CNTLN: variants seen among roughly 807,000 people sequenced by gnomAD.
The protein encoded by CNTLN is centlein, centrosomal protein.
CNTLN carries 212 observed loss-of-function variants against 180.0 expected under a neutral mutation model. That is an observed-to-expected ratio of 1.18 (90% CI 1.05 to 1.32). The LOEUF (loss-of-function observed/expected upper bound fraction) is 1.32, where lower values mean the gene tolerates loss of function less well. Ranked by LOEUF, CNTLN falls within the 40% of genes most tolerant of loss-of-function variation. The pLI, the probability that CNTLN is intolerant of heterozygous loss-of-function variation, is 0.00. For missense variants in CNTLN, 2,095 were observed against 1,610.9 expected (o/e 1.30, Z -5.14); for synonymous variants, 722 against 563.1 (o/e 1.28, Z -3.99).
chr9:17,478,317 C>T (rs1432611588), intron 23 of CNTLN, among the ~76,000 whole-genome samples: 1 of 152,136 alleles, frequency 6.6e-6, no homozygotes, highest in Non-Finnish European at 1.5e-5. Context: ...CTATTAACCT[C>T]TATCAGATAT....
chr9:17,276,294 G>A (rs1189246020), intron 6 of CNTLN, among the ~76,000 whole-genome samples: 5 of 152,090 alleles, frequency 3.3e-5, no homozygotes, highest in African/African-American at 7.2e-5. Flanking sequence ...GATTACTGTT[G>A]GATATACTGT....
At chr9:17,242,101 A>G (rs1825530104) in intron 5 of CNTLN, among the ~76,000 whole-genome samples, 1 of 152,092 alleles carries the variant, frequency 6.6e-6, no homozygotes, top group South Asian at 2.1e-4. Context: ...GTGAAAGTGG[A>G]TATTCTTGTC....
chr9:17,333,493 A>G lies in CNTLN; in HGVS notation c.1644+763A>G, dbSNP rs548063145. 5.3e-5 allele frequency among the ~76,000 whole-genome samples: 8 copies of G among 152,240 alleles called. No individual in the cohort carries two copies. The East Asian group carries it at 9.7e-4, about 18-fold the overall frequency. ...ATTCTGTAAATCTAGTGCTTTACACATGATTAGAATGCAGTACACATGAAG... is the reference window on the plus strand; with the variant it reads ...ATTCTGTAAATCTAGTGCTTTACACGTGATTAGAATGCAGTACACATGAAG... On this transcript the variant is annotated intron_variant, in intron 10 of 25. Coordinates refer to ENST00000380647, the MANE Select transcript of CNTLN (RefSeq NM_017738.4).
chr9:17,478,696 A>AT (rs976724335), intron 23 of CNTLN, among the ~76,000 whole-genome samples: 13 of 151,716 alleles, frequency 8.6e-5, no homozygotes, highest in Admixed American at 6.6e-4. Flanking sequence ...TCTAATTTCA[A>AT]TTTTTTTGCC....
intron 25 of CNTLN, among the ~76,000 whole-genome samples, chr9:17,488,980 TA>T (rs1833016574): frequency 1.3e-5 from 2 of 152,272 alleles, no homozygotes; most frequent in Admixed American, 1.3e-4. Flanking sequence ...TGATAACATT[TA>T]AAAAGTCAAA....
intron 2 of CNTLN, among the ~76,000 whole-genome samples, chr9:17,224,823 AT>A (rs774949094): frequency 4.0e-5 from 6 of 149,938 alleles, no homozygotes; most frequent in Non-Finnish European, 7.4e-5. Context: ...GGTTATTTTT[AT>A]TTTTTCTAGA....
intron 23 of CNTLN, among the ~76,000 whole-genome samples, chr9:17,477,815 T>C (rs1312603394): frequency 2.0e-5 from 3 of 152,202 alleles, no homozygotes; most frequent in Non-Finnish European, 2.9e-5. Flanking sequence ...TTTAGAATAT[T>C]CCATAAACTT....
At chr9:17,519,130 G>A in the CNTLN span, among the ~76,000 whole-genome samples, 1 of 136,684 alleles carries the variant, frequency 7.3e-6, no homozygotes, top group South Asian at 2.2e-4. Context: ...GCTTCATTAT[G>A]TTTCCCAGAC....
chr9:17,198,174 C>T, intron 2 of CNTLN, among the ~76,000 whole-genome samples: 1 of 152,170 alleles, frequency 6.6e-6, no homozygotes, highest in East Asian at 1.9e-4. Context: ...TATGATCCAT[C>T]CAGTTTAGTT....
At chr9:17,308,405 C>G (rs2132901784) in intron 7 of CNTLN, among the ~76,000 whole-genome samples, 1 of 152,192 alleles carries the variant, frequency 6.6e-6, no homozygotes, top group East Asian at 1.9e-4. Flanking sequence ...TACATTCTTT[C>G]TACAGCCTTA....
At chr9:17,462,460 A>G (rs1241494622) in intron 19 of CNTLN, among the ~76,000 whole-genome samples, 3 of 151,798 alleles carry the variant, frequency 2.0e-5, no homozygotes, top group Non-Finnish European at 4.4e-5. Context: ...TCGACAAAGC[A>G]AGTCACAAGC....
chr9:17,428,958 C>T (rs1829250873), intron 18 of CNTLN, among the ~76,000 whole-genome samples: 1 of 151,630 alleles, frequency 6.6e-6, no homozygotes, highest in African/African-American at 2.4e-5. Context: ...CAGCTCATTC[C>T]TTGAACGATT....
intron 8 of CNTLN, among the ~76,000 whole-genome samples, chr9:17,325,576 C>CAG (rs1164554456): frequency 1.1e-5 from 1 of 89,374 alleles, no homozygotes; most frequent in Non-Finnish European, 2.7e-5. Context: ...CACACACACA[C>CAG]GCACACACAC....
chr9:17,481,754 A>G (rs1303240613), intron 23 of CNTLN, among the ~76,000 whole-genome samples: 1 of 152,220 alleles, frequency 6.6e-6, no homozygotes, highest in Non-Finnish European at 1.5e-5. Context: ...GATCCTGCCC[A>G]ACAGGAAGCA....
At chr9:17,483,863 C>T (rs1029314751) in intron 23 of CNTLN, among the ~76,000 whole-genome samples, 1 of 152,178 alleles carries the variant, frequency 6.6e-6, no homozygotes, top group Non-Finnish European at 1.5e-5. Flanking sequence ...GTTCTTTCTG[C>T]AGTAATCTTT....
At chr9:17,271,305 T>C (rs1827930493) in intron 5 of CNTLN, among the ~76,000 whole-genome samples, 1 of 152,108 alleles carries the variant, frequency 6.6e-6, no homozygotes, top group East Asian at 1.9e-4. Flanking sequence ...TGCACCAGAT[T>C]TGCGGTTCAC....
intron 5 of CNTLN, among the ~76,000 whole-genome samples, chr9:17,256,187 T>G (rs1287798238): frequency 1.3e-5 from 2 of 152,048 alleles, no homozygotes; most frequent in Non-Finnish European, 1.5e-5. Flanking sequence ...ATTCCATGTC[T>G]TTGCTATTCT....
intron 13 of CNTLN, among the ~76,000 whole-genome samples, chr9:17,380,123 C>G (rs1825112256): frequency 6.6e-6 from 1 of 152,094 alleles, no homozygotes; most frequent in Non-Finnish European, 1.5e-5. Flanking sequence ...GTGCCAGCTC[C>G]CCATATTTTA....
intron 18 of CNTLN, among the ~76,000 whole-genome samples, chr9:17,442,441 C>A (rs1291622462): frequency 1.3e-5 from 2 of 152,174 alleles, no homozygotes; most frequent in African/African-American, 4.8e-5. Flanking sequence ...CTCTGTCACC[C>A]AGGCTGGAGT....
Sources: allele counts gnomAD v4.1 joint callset (sites outside exome capture counted in the v4.1 genomes callset), GRCh38; gene constraint gnomAD v4.1.1; transcripts MANE v1.5; gene names NCBI Gene and HGNC (gene_info 2026-07-23, HGNC 2026-07-21).